NBAS: variants seen among roughly 807,000 people sequenced by gnomAD.
NBAS encodes NAG/BC035112 fusion.
A neutral mutation model predicts 302.5 loss-of-function variants in NBAS; 219 were observed. The ratio of observed to expected loss-of-function variants is 0.72; its 90% CI spans 0.65 to 0.81. The LOEUF is 0.81. Among genes scored for constraint, NBAS ranks in the 30% least tolerant of loss-of-function variants. NBAS has a pLI of 0.00. For synonymous variants in NBAS, 1,118 were observed against 1,021.6 expected (o/e 1.09, Z -1.80); for missense variants, 2,932 against 2,841.6 (o/e 1.03, Z -0.72).
rs531245402 is a variant in NBAS, at chr2:15,548,246, G to A, written c.379+3247C>T. Among the ~76,000 whole-genome samples the A allele has an allele frequency of 3.1e-4, 47 of 152,212 alleles. 1 individual carries two copies. The highest frequency in any genetic ancestry group is 1.1e-3 in the African/African-American group (44 of 41,512). On this transcript the variant is annotated intron_variant, in intron 6 of 51. Coordinates refer to ENST00000281513, the MANE Select transcript of NBAS (RefSeq NM_015909.4). ...GTGTGCCTACGATGTGTCAGGCACC[G>A]TGCTAAGCACGAAAAAAAAAAGTTA...
At chr2:14,958,180 A>T in the NBAS span, among the ~76,000 whole-genome samples, 2 of 152,240 alleles carry the variant, frequency 1.3e-5, no homozygotes, top group African/African-American at 4.8e-5. Context: ...ATTGAAATTA[A>T]CATTTTACTG....
chr2:15,101,329 TACAA>T, the NBAS span, among the ~76,000 whole-genome samples: 4 of 152,120 alleles, frequency 2.6e-5, no homozygotes, highest in Non-Finnish European at 5.9e-5. Context: ...GATTTTATAA[TACAA>T]ACAATTTAGG....
the NBAS span, among the ~76,000 whole-genome samples, chr2:14,913,693 G>A: frequency 6.6e-6 from 1 of 152,162 alleles, no homozygotes; most frequent in South Asian, 2.1e-4. Context: ...GCATCAGGCA[G>A]GGGAAACAGA....
chr2:15,482,402 G>C (rs1680465582), intron 12 of NBAS, among the ~76,000 whole-genome samples: 1 of 152,176 alleles, frequency 6.6e-6, no homozygotes, highest in Non-Finnish European at 1.5e-5. Context: ...ACTGGAATGA[G>C]CCACCGCACC....
the NBAS span, among the ~76,000 whole-genome samples, chr2:14,858,615 T>C: frequency 3.4e-5 from 5 of 145,342 alleles, no homozygotes; most frequent in Non-Finnish European, 5.9e-5. Context: ...AATATTGAAA[T>C]AATTGAACTC....
intron 32 of NBAS, among the ~76,000 whole-genome samples, chr2:15,358,891 C>T (rs1041287609): frequency 6.6e-6 from 1 of 152,104 alleles, no homozygotes; most frequent in East Asian, 1.9e-4. Context: ...ATTTGGGGCT[C>T]AAGGGATCAC....
chr2:15,127,153 G>A, the NBAS span, among the ~76,000 whole-genome samples: 3 of 152,198 alleles, frequency 2.0e-5, no homozygotes, highest in South Asian at 2.1e-4. Flanking sequence ...AGAGGGGCCC[G>A]TTGTTTTCAT....
the NBAS span, among the ~76,000 whole-genome samples, chr2:14,847,382 TAAAAAAAAAAAAA>T: frequency 2.8e-4 from 15 of 53,170 alleles, no homozygotes; most frequent in African/African-American, 9.4e-4. Flanking sequence ...GACTCTATCT[TAAAAAAAAAAAAA>T]AAAAAAAAAA....
At position 15,534,902 on chromosome 2, in the gene NBAS, T is replaced by A. The variant is rs60944462; in HGVS notation, c.648-261A>T. Among the ~76,000 whole-genome samples the A allele has an allele frequency of 5.0e-3, 761 of 152,170 alleles. 9 individuals carry two copies. The highest frequency in any genetic ancestry group is 0.017 in the African/African-American group (706 of 41,506). On this transcript the variant is annotated intron_variant, in intron 8 of 51. Transcript: ENST00000281513. Reference sequence around the variant, plus strand: ...CTTGAAGATACTGACCCAAGAGAAATGAAAATGTATATCCATAAAGACTTG... The same window carrying A: ...CTTGAAGATACTGACCCAAGAGAAAAGAAAATGTATATCCATAAAGACTTG...
At chr2:15,187,178 T>C (rs1303218687) in intron 49 of NBAS, among the ~76,000 whole-genome samples, 1 of 152,174 alleles carries the variant, frequency 6.6e-6, no homozygotes, top group Non-Finnish European at 1.5e-5. Context: ...AGAGAAGTTA[T>C]TTAATACTTT....
At chr2:15,079,494 C>T in the NBAS span, among the ~76,000 whole-genome samples, 1 of 152,142 alleles carries the variant, frequency 6.6e-6, no homozygotes, top group Non-Finnish European at 1.5e-5. Context: ...GCCAGGGCCA[C>T]CTTTCCTCCT....
intron 32 of NBAS, among the ~76,000 whole-genome samples, chr2:15,357,041 G>GT (rs1553295153): frequency 6.6e-6 from 1 of 152,098 alleles, no homozygotes; most frequent in Non-Finnish European, 1.5e-5. Flanking sequence ...GTCATCCCTG[G>GT]TAATCTGATC....
At chr2:15,547,989 T>C (rs967896182) in intron 6 of NBAS, among the ~76,000 whole-genome samples, 4 of 152,190 alleles carry the variant, frequency 2.6e-5, no homozygotes, top group Admixed American at 1.3e-4. Flanking sequence ...CATGTATACA[T>C]AAGGAATAAA....
chr2:15,035,116 G>GTT, the NBAS span, among the ~76,000 whole-genome samples: 56 of 138,926 alleles, frequency 4.0e-4, no homozygotes, highest in African/African-American at 6.1e-4. Flanking sequence ...GGAGTGTGGG[G>GTT]TTTTTTTTTT....
chr2:14,809,166 G>A, the NBAS span, among the ~76,000 whole-genome samples: 2 of 152,180 alleles, frequency 1.3e-5, no homozygotes, highest in African/African-American at 2.4e-5. Flanking sequence ...AACAAAATCC[G>A]ATTTTCTGAG....
At chr2:15,160,474 G>A in the NBAS span, among the ~76,000 whole-genome samples, 1 of 151,936 alleles carries the variant, frequency 6.6e-6, no homozygotes, top group South Asian at 2.1e-4. Flanking sequence ...ATAGAAGAAG[G>A]AGATTTCAGA....
chr2:15,034,826 G>A, the NBAS span, among the ~76,000 whole-genome samples: 9 of 151,984 alleles, frequency 5.9e-5, no homozygotes, highest in Admixed American at 1.3e-4. Context: ...CCTTCCTCAG[G>A]GGAAAATGCT....
rs1317155164 is a variant in NBAS, at chr2:15,494,599, G to GT, written c.955-5578dup. Among the ~76,000 whole-genome samples, 4 of 152,112 alleles carry GT rather than the reference G, an allele frequency of 2.6e-5. No individual in the cohort carries two copies. The East Asian group carries it at 7.7e-4, about 29-fold the overall frequency. On this transcript the variant is annotated intron_variant, in intron 11 of 51. Coordinates refer to ENST00000281513, the MANE Select transcript of NBAS (RefSeq NM_015909.4). The stretch of plus-strand genomic sequence containing the variant: ...TATTGATATTTAATTCTTCTAACTA[G>GT]TACTTTACCTAGTCTCACTAACCAC...
At chr2:14,836,293 T>C in the NBAS span, among the ~76,000 whole-genome samples, 1 of 151,940 alleles carries the variant, frequency 6.6e-6, no homozygotes, top group Admixed American at 6.6e-5. Flanking sequence ...TTTCATTTTA[T>C]TGTGTTACAA....
Sources: allele counts gnomAD v4.1 joint callset (sites outside exome capture counted in the v4.1 genomes callset), GRCh38; gene constraint gnomAD v4.1.1; transcripts MANE v1.5; gene names NCBI Gene and HGNC (gene_info 2026-07-23, HGNC 2026-07-21).